PDZD2: variants seen among roughly 807,000 people sequenced by gnomAD.
PDZD2 encodes the protein PDZ domain-containing protein 2.
A neutral mutation model predicts 220.7 loss-of-function variants in PDZD2; 90 were observed. The observed-to-expected ratio is 0.41, with a 90% CI of 0.34 to 0.49. The LOEUF is 0.49. PDZD2 is among the 20% of genes least tolerant of loss of function. The pLI is 0.28. For missense variants in PDZD2, 3,174 were observed against 3,608.5 expected (o/e 0.88, Z 3.08); for synonymous variants, 1,375 against 1,450.5 (o/e 0.95, Z 1.18).
At chr5:31,934,547 T>C (rs1364031781) in intron 2 of PDZD2, among the ~76,000 whole-genome samples, 1 of 151,436 alleles carries the variant, frequency 6.6e-6, no homozygotes, top group East Asian at 1.9e-4. Context: ...TAGAATCCAT[T>C]TGGAGCACAT....
intron 19 of PDZD2, among the ~76,000 whole-genome samples, chr5:32,086,103 A>G (rs1031543915): frequency 5.3e-5 from 8 of 152,182 alleles, no homozygotes; most frequent in Non-Finnish European, 7.3e-5. Flanking sequence ...TCGTCAAGAC[A>G]GCCAGAGCTC....
chr5:32,089,905 C>G lies in PDZD2; in HGVS notation c.6457C>G (p.Gln2153Glu). The G allele has an allele frequency of 2.5e-6, 4 of 1,612,748 alleles. No individual in the cohort carries two copies. Among genetic ancestry groups the G allele is most frequent in the Non-Finnish European group, 3.4e-6 (4 of 1,179,306 alleles). The part of the protein sequence containing the change: ...HPSSLPSHAS[Q>E]AEQEMSRSFS... ...ATCCTCACTCCCATCTCATGCCTCCCAGGCAGAGCAGGAAATGTCACGATC... is the reference window on the plus strand; with the variant it reads ...ATCCTCACTCCCATCTCATGCCTCCGAGGCAGAGCAGGAAATGTCACGATC... Residue 2153 changes from glutamine to glutamate, a missense_variant, in exon 20 of 25, where the codon CAG becomes GAG. By Grantham distance (29) the Gln-to-Glu change is conservative. Coordinates refer to ENST00000438447, the MANE Select transcript of PDZD2 (RefSeq NM_178140.4).
intron 7 of PDZD2, among the ~76,000 whole-genome samples, chr5:32,040,959 G>A (rs10038092): frequency 0.035 from 4,954 of 140,452 alleles, 387 homozygotes; most frequent in African/African-American, 0.13. Flanking sequence ...AATGGGGAGC[G>A]CCTCTGCCTG....
intron 1 of PDZD2, among the ~76,000 whole-genome samples, chr5:31,667,952 C>T (rs370972048): frequency 9.7e-5 from 14 of 144,632 alleles, no homozygotes; most frequent in African/African-American, 3.6e-4. Flanking sequence ...ACCTCCATCT[C>T]CTGAGTTCAA....
At chr5:31,880,848 C>T (rs1459984083) in intron 2 of PDZD2, among the ~76,000 whole-genome samples, 2 of 121,022 alleles carry the variant, frequency 1.7e-5, no homozygotes, top group Admixed American at 1.1e-4. Flanking sequence ...GTCACCCAGG[C>T]TGGAGTGCAA....
chr5:31,698,468 G>A (rs1309565340), intron 1 of PDZD2, among the ~76,000 whole-genome samples: 2 of 150,986 alleles, frequency 1.3e-5, no homozygotes, highest in South Asian at 2.1e-4. Flanking sequence ...GCGTGGTAGC[G>A]GGCGCCTGTA....
At chr5:31,757,365 G>T (rs1751357638) in intron 1 of PDZD2, among the ~76,000 whole-genome samples, 1 of 152,210 alleles carries the variant, frequency 6.6e-6, no homozygotes, top group Non-Finnish European at 1.5e-5. Context: ...GCCGAGGCGA[G>T]CAGATCATGA....
intron 1 of PDZD2, among the ~76,000 whole-genome samples, chr5:31,780,311 C>CCG (rs1313502271): frequency 1.3e-5 from 2 of 151,514 alleles, no homozygotes; most frequent in East Asian, 2.0e-4. Context: ...TTAAGGATGC[C>CCG]GGGGGGGCTT....
rs1339510269 is a variant in PDZD2, at chr5:32,110,267, C to CTT, written c.*2136_*2137dup. 6.6e-6 allele frequency: 1 copy of CTT among 152,664 alleles called. No individual in the cohort carries two copies. Among genetic ancestry groups the CTT allele is most frequent in the Non-Finnish European group, 1.5e-5 (1 of 68,056 alleles). 9.5% of individuals were successfully genotyped at this position (152,664 alleles called of 1,614,324 possible). On this transcript the variant is annotated 3_prime_UTR_variant, in exon 25 of 25. Coordinates refer to ENST00000438447, the MANE Select transcript of PDZD2 (RefSeq NM_178140.4). The stretch of plus-strand genomic sequence containing the variant: ...AATGGAATGGTCTCCTTCCGCAAGT[C>CTT]TTTTTAATCCTCATATCTGGAGTAC...
intron 5 of PDZD2, among the ~76,000 whole-genome samples, chr5:32,002,912 A>ACCCCCAC (rs1225320623): frequency 1.8e-5 from 2 of 109,652 alleles, no homozygotes; most frequent in Admixed American, 9.4e-5. Flanking sequence ...CCCCCACCAC[A>ACCCCCAC]CACACACCAC....
intron 2 of PDZD2, among the ~76,000 whole-genome samples, chr5:31,887,393 T>C (rs1318368493): frequency 6.6e-6 from 1 of 152,168 alleles, no homozygotes; most frequent in Non-Finnish European, 1.5e-5. Context: ...GGAAGGACTT[T>C]GGGTGTCAGT....
chr5:31,829,596 C>A (rs1049657564), intron 2 of PDZD2, among the ~76,000 whole-genome samples: 2 of 152,008 alleles, frequency 1.3e-5, no homozygotes, highest in Admixed American at 6.6e-5. Flanking sequence ...GGATTACAGG[C>A]ATGAACCACC....
At chr5:31,898,766 A>G (rs1741804996) in intron 2 of PDZD2, among the ~76,000 whole-genome samples, 1 of 147,404 alleles carries the variant, frequency 6.8e-6, no homozygotes, top group African/African-American at 2.5e-5. Context: ...GTCATCCAGG[A>G]CGGCTTTGGG....
chr5:31,741,654 GGAATGGACCCACCACT>G (rs1750274186), intron 1 of PDZD2, among the ~76,000 whole-genome samples: 1 of 152,104 alleles, frequency 6.6e-6, no homozygotes, highest in Admixed American at 6.6e-5. Context: ...TCTTGGAAGA[GGAATGGACCCACCACT>G]GCCAGTTCTA....
At chr5:31,675,564 A>C (rs1746376462) in intron 1 of PDZD2, among the ~76,000 whole-genome samples, 1 of 152,240 alleles carries the variant, frequency 6.6e-6, no homozygotes, top group Admixed American at 6.5e-5. Flanking sequence ...TCCAAGAAAG[A>C]AACAAGCCAG....
intron 1 of PDZD2, among the ~76,000 whole-genome samples, chr5:31,766,266 C>T (rs1752002180): frequency 6.6e-6 from 1 of 152,146 alleles, no homozygotes; most frequent in Non-Finnish European, 1.5e-5. Context: ...AAAGTATTCC[C>T]TTTATAGTAT....
At chr5:31,738,069 C>T (rs1173633092) in intron 1 of PDZD2, among the ~76,000 whole-genome samples, 1 of 152,098 alleles carries the variant, frequency 6.6e-6, no homozygotes, top group Non-Finnish European at 1.5e-5. Flanking sequence ...TTGGAATGTT[C>T]GAGAGATCAC....
At chr5:31,906,133 C>T (rs1208387123) in intron 2 of PDZD2, among the ~76,000 whole-genome samples, 2 of 146,178 alleles carry the variant, frequency 1.4e-5, no homozygotes, top group Admixed American at 6.9e-5. Flanking sequence ...GTCATTCTCC[C>T]GCCTCAGCCT....
intron 1 of PDZD2, among the ~76,000 whole-genome samples, chr5:31,707,569 A>G (rs963841519): frequency 6.6e-6 from 1 of 152,190 alleles, no homozygotes; most frequent in African/African-American, 2.4e-5. Flanking sequence ...CATTATGGCT[A>G]ATATGAGTAA....
Sources: gnomAD v4.1 joint callset for allele counts (sites outside exome capture counted in the v4.1 genomes callset) on GRCh38, gnomAD v4.1.1 for gene constraint, MANE v1.5 for transcripts, NCBI Gene and HGNC (gene_info 2026-07-23, HGNC 2026-07-21) for gene names.